HNMT: variants seen among roughly 807,000 people sequenced by gnomAD.
HNMT encodes histamine N-methyltransferase.
In HNMT, 30 loss-of-function variants were observed where a neutral mutation model predicts 32.1. The ratio of observed to expected loss-of-function variants is 0.93; its 90% confidence interval spans 0.70 to 1.27. The LOEUF is 1.27. Ranked by LOEUF, HNMT falls within the 50% of genes most tolerant of loss-of-function variation. HNMT has a pLI of 0.00. For missense variants in HNMT, 327 were observed against 346.0 expected (o/e 0.95, Z 0.43); for synonymous variants, 125 against 119.0 (o/e 1.05, Z -0.33).
At chr2:138,010,038 A>C (rs997257368) in intron 5 of HNMT, among the ~76,000 whole-genome samples, 1 of 152,050 alleles carries the variant, frequency 6.6e-6, no homozygotes, top group African/African-American at 2.4e-5. Flanking sequence ...TCACTTTCTT[A>C]ATGGAATTTG....
intron 5 of HNMT, among the ~76,000 whole-genome samples, chr2:138,010,151 C>T (rs993399078): frequency 6.6e-6 from 1 of 152,000 alleles, no homozygotes; most frequent in African/African-American, 2.4e-5. Context: ...ACTGAGTACT[C>T]ATGGTATATA....
chr2:137,971,524 C>A (rs1680137588), intron 2 of HNMT, among the ~76,000 whole-genome samples: 1 of 152,072 alleles, frequency 6.6e-6, no homozygotes. Flanking sequence ...CTTTTAGATC[C>A]AGTGCTTTCA....
intron 5 of HNMT, among the ~76,000 whole-genome samples, chr2:138,013,025 C>T (rs1399129471): frequency 6.6e-6 from 1 of 152,068 alleles, no homozygotes; most frequent in East Asian, 1.9e-4. Context: ...TTGAGTCATT[C>T]TAATGTGCTG....
chr2:137,973,978 A>C (rs888980284), intron 2 of HNMT, among the ~76,000 whole-genome samples: 3 of 152,216 alleles, frequency 2.0e-5, no homozygotes, highest in South Asian at 2.1e-4. Context: ...GGCTCTGAGA[A>C]GTTCAAAAGA....
chr2:138,001,122 T>A (rs977906043), intron 3 of HNMT, 97 bp downstream of exon 3: 2 of 576,318 alleles, frequency 3.5e-6, no homozygotes, highest in African/African-American at 3.9e-5. Flanking sequence ...TACTGTGGTA[T>A]GCTTTTCACA....
intron 2 of HNMT, among the ~76,000 whole-genome samples, chr2:137,997,109 A>C (rs938515367): frequency 6.6e-6 from 1 of 152,228 alleles, no homozygotes; most frequent in Non-Finnish European, 1.5e-5. Context: ...GGACATAGGC[A>C]TGGGCAAAGA....
intron 2 of HNMT, among the ~76,000 whole-genome samples, chr2:137,975,349 A>G (rs1680256676): frequency 6.6e-6 from 1 of 152,156 alleles, no homozygotes; most frequent in African/African-American, 2.4e-5. Flanking sequence ...GGGTTTGATC[A>G]GTACTCACTG....
At chr2:137,975,979 C>T (rs1037395472) in intron 2 of HNMT, among the ~76,000 whole-genome samples, 4 of 152,154 alleles carry the variant, frequency 2.6e-5, no homozygotes, top group African/African-American at 7.2e-5. Flanking sequence ...AGTGTAAGAG[C>T]CTGTTGGCTG....
chr2:137,969,297 G>A (rs1680053034), intron 1 of HNMT, among the ~76,000 whole-genome samples: 1 of 152,114 alleles, frequency 6.6e-6, no homozygotes, highest in South Asian at 2.1e-4. Flanking sequence ...TTTGGGTGAT[G>A]GAATCTACTT....
chr2:137,970,360 C>T (rs1680084498), intron 2 of HNMT, 143 bp downstream of exon 2: 1 of 504,070 alleles, frequency 2.0e-6, no homozygotes, highest in Admixed American at 3.9e-5. Context: ...ATTACTTCAA[C>T]TAACATTAAT....
chr2:137,981,460 C>A, intron 2 of HNMT: 1 of 1,103,198 alleles, frequency 9.1e-7, no homozygotes, highest in Non-Finnish European at 1.4e-6. Flanking sequence ...ATTGCAAAGT[C>A]TTCACACCGC....
chr2:137,994,964 C>G (rs150673994), intron 2 of HNMT, among the ~76,000 whole-genome samples: 1 of 152,090 alleles, frequency 6.6e-6, no homozygotes, highest in African/African-American at 2.4e-5. Flanking sequence ...TTCTTTGAAA[C>G]CAACAAGAAC....
intron 2 of HNMT, among the ~76,000 whole-genome samples, chr2:137,970,477 A>G (rs1680086764): frequency 1.3e-5 from 2 of 152,224 alleles, no homozygotes; most frequent in African/African-American, 2.4e-5. Context: ...AAATAGGATA[A>G]CTTTAAGGAT....
Position 137,964,559 on chromosome 2 carries a change from T to C in HNMT, c.68T>C (p.Leu23Pro), listed in dbSNP as rs1679894927. The C allele has an allele frequency of 6.2e-7, 1 of 1,613,756 alleles. No homozygotes were observed. The highest frequency in any genetic ancestry group is 8.5e-7 in the Non-Finnish European group (1 of 1,179,728). ...TATGTTGAATCTTTCCGGAGGTTTCTCAACCATTCCACGGAACACCAGTGC... is the reference window on the plus strand; with the variant it reads ...TATGTTGAATCTTTCCGGAGGTTTCCCAACCATTCCACGGAACACCAGTGC... ...GKYVESFRRF[L>P]NHSTEHQCMQ... Residue 23 changes from leucine (L) to proline (P), a missense_variant, in exon 1 of 6, where the codon CTC becomes CCC. Physicochemically the swap from Leu to Pro is moderately conservative, Grantham distance 98. Transcript: ENST00000280097.
intron 2 of HNMT, among the ~76,000 whole-genome samples, chr2:137,978,997 C>T (rs1680394901): frequency 7.1e-6 from 1 of 140,504 alleles, no homozygotes; most frequent in African/African-American, 2.6e-5. Context: ...ATTGGTAATA[C>T]ATTATATAAT....
At chr2:137,972,177 T>C (rs565581487) in intron 2 of HNMT, among the ~76,000 whole-genome samples, 10 of 152,308 alleles carry the variant, frequency 6.6e-5, no homozygotes, top group African/African-American at 2.4e-4. Flanking sequence ...TGATCTTGGC[T>C]CACTGCAACC....
rs1053720546 is a variant in HNMT at position 138,014,602 on chromosome 2, T to C, written c.*472T>C. 2 of 152,904 alleles carry C rather than the reference T, an allele frequency of 1.3e-5. No homozygotes were observed. Among genetic ancestry groups the C allele is most frequent in the African/African-American group, 4.8e-5 (2 of 41,462 alleles). 9.5% of individuals were successfully genotyped at this position (152,904 alleles called of 1,614,324 possible). On this transcript the variant is annotated 3_prime_UTR_variant, in exon 6 of 6. Transcript: ENST00000280097. Reference sequence around the variant, plus strand: ...TTCTATTGTGCTTTCTATCTAATTTTTATTAATTTGTAAGAGTAAGCACCT... The same window carrying C: ...TTCTATTGTGCTTTCTATCTAATTTCTATTAATTTGTAAGAGTAAGCACCT...
rs1278414257 is a variant in HNMT, at chr2:138,014,490, G to A, written c.*360G>A. Reference sequence around the variant, plus strand: ...TACATACTATAGATTCTTTATTAGTGAAGTATGCACTAATCAATACTTTGA... The same window carrying A: ...TACATACTATAGATTCTTTATTAGTAAAGTATGCACTAATCAATACTTTGA... On this transcript the variant is annotated 3_prime_UTR_variant, in exon 6 of 6. Coordinates refer to ENST00000280097, the MANE Select transcript of HNMT (RefSeq NM_006895.3). The A allele has an allele frequency of 5.5e-6, 1 of 182,348 alleles. No individual in the cohort carries two copies. Among genetic ancestry groups the A allele is most frequent in the Non-Finnish European group, 1.2e-5 (1 of 85,796 alleles). The allele number at this position is 182,348 out of a possible 1,614,324, so 11.3% of individuals were successfully genotyped here.
rs2104997860 is a variant in HNMT at position 138,015,424 on chromosome 2, T to A, written c.*1294T>A. 1 of 152,204 alleles carries A rather than the reference T, an allele frequency of 6.6e-6. No homozygotes were observed. The highest frequency in any genetic ancestry group is 1.5e-5 in the Non-Finnish European group (1 of 68,008). The allele number at this position is 152,204 out of a possible 1,614,324, so 9.4% of individuals were successfully genotyped here. A position where few individuals can be genotyped will look rare whatever the true frequency, so the allele number is the denominator to read the frequency against. Reference sequence around the variant, plus strand: ...GCTTCCATGTAATGTTGCCGTATAATCACTTTAAAAAGTTAAACGACCCAT... The same window carrying A: ...GCTTCCATGTAATGTTGCCGTATAAACACTTTAAAAAGTTAAACGACCCAT... On this transcript the variant is annotated 3_prime_UTR_variant, in exon 6 of 6. Transcript: ENST00000280097.
Sources: allele counts gnomAD v4.1 joint callset (sites outside exome capture counted in the v4.1 genomes callset), GRCh38; gene constraint gnomAD v4.1.1; transcripts MANE v1.5; gene names NCBI Gene and HGNC (gene_info 2026-07-23, HGNC 2026-07-21).